FBXW11: variants seen among roughly 807,000 people sequenced by gnomAD.
The protein encoded by FBXW11 is F-box and WD repeat domain containing 11.
FBXW11 carries 19 observed loss-of-function variants against 77.6 expected under a neutral mutation model. The ratio of observed to expected loss-of-function variants is 0.24; its 90% CI spans 0.17 to 0.36. The LOEUF (loss-of-function observed/expected upper bound fraction) is 0.36, where lower values mean the gene tolerates loss of function less well. Ranked by LOEUF, FBXW11 falls within the 10% of genes least tolerant of loss-of-function variation. FBXW11 has a pLI of 1.00. For missense variants in FBXW11, 334 were observed against 704.2 expected (o/e 0.47, Z 5.95); for synonymous variants, 235 against 249.4 (o/e 0.94, Z 0.54).
At chr5:171,940,624 T>C (rs1762701969) in intron 2 of FBXW11, among the ~76,000 whole-genome samples, 1 of 152,134 alleles carries the variant, frequency 6.6e-6, no homozygotes, top group African/African-American at 2.4e-5. Flanking sequence ...GTGCGGTGGC[T>C]CATGTCTGTA....
intron 1 of FBXW11, among the ~76,000 whole-genome samples, chr5:172,004,655 A>C (rs192252634): frequency 6.2e-4 from 95 of 152,298 alleles, no homozygotes; most frequent in African/African-American, 2.2e-3. Context: ...CCAAGTTACA[A>C]TTTTTCGATA....
intron 9 of FBXW11, among the ~76,000 whole-genome samples, chr5:171,874,325 T>C (rs1438531047): frequency 6.6e-6 from 1 of 152,066 alleles, no homozygotes; most frequent in Non-Finnish European, 1.5e-5. Context: ...CACTGCACAA[T>C]CACTAGGGCA....
chr5:171,955,747 T>C (rs1292846556), intron 2 of FBXW11, among the ~76,000 whole-genome samples: 1 of 150,742 alleles, frequency 6.6e-6, no homozygotes. Context: ...TAAACCTAAG[T>C]AAACAGAATA....
intron 1 of FBXW11, among the ~76,000 whole-genome samples, chr5:171,985,443 T>C (rs1765381788): frequency 6.6e-6 from 1 of 151,556 alleles, no homozygotes; most frequent in Non-Finnish European, 1.5e-5. Context: ...TGGGCAACAG[T>C]GAGACCCAGT....
chr5:171,893,938 G>A (rs543063904), intron 6 of FBXW11, among the ~76,000 whole-genome samples: 1 of 151,984 alleles, frequency 6.6e-6, no homozygotes, highest in South Asian at 2.1e-4. Flanking sequence ...ATTTACTACC[G>A]CATGAGAGTC....
intron 2 of FBXW11, among the ~76,000 whole-genome samples, chr5:171,950,538 G>T (rs1480921264): frequency 6.6e-6 from 1 of 152,040 alleles, no homozygotes; most frequent in Non-Finnish European, 1.5e-5. Flanking sequence ...AATAAATAAA[G>T]CAAATAAGTG....
At chr5:172,006,296 G>A (rs2113641803) in intron 1 of FBXW11, among the ~76,000 whole-genome samples, 162 bp downstream of exon 1, 1 of 152,290 alleles carries the variant, frequency 6.6e-6, no homozygotes, top group South Asian at 2.1e-4. Context: ...AGGGATCAGA[G>A]GAGCCCGCGC....
rs913057295 is a variant in FBXW11 at position 171,876,807 on chromosome 5, C to A, written c.972-273G>T. On this transcript the variant is annotated intron_variant, in intron 8 of 13. Transcript: ENST00000517395. The surrounding 1 kb of genome is among the most constrained non-coding windows in gnomAD (Gnocchi z 4.2). ...GAGAGAACAGGTTGTTGAAAAGAGCCTCCTAGCACCTCCTCCCTCTCTCTT... is the reference window on the plus strand; with the variant it reads ...GAGAGAACAGGTTGTTGAAAAGAGCATCCTAGCACCTCCTCCCTCTCTCTT... 6.6e-6 allele frequency among the ~76,000 whole-genome samples: 1 copy of A among 152,096 alleles called. No homozygotes were observed. The highest frequency in any genetic ancestry group is 2.4e-5 in the African/African-American group (1 of 41,424).
Position 171,950,901 on chromosome 5 carries a change from A to G in FBXW11, c.147+6696T>C, listed in dbSNP as rs76618246. ...GACTCGGTCTCAAAAAAATACATAA[A>G]TAAATAATTTTTTTTTAATTTAAAT... On this transcript the variant is annotated intron_variant, in intron 2 of 13. Coordinates refer to ENST00000517395, the MANE Select transcript of FBXW11 (RefSeq NM_001378974.1). Among the ~76,000 whole-genome samples, 135 of 152,238 alleles carry G rather than the reference A, an allele frequency of 8.9e-4. 4 individuals are homozygous for G. In the East Asian group the frequency reaches 0.02, roughly 22 times the overall value.
chr5:171,887,749 CT>C (rs1294954016), intron 7 of FBXW11, among the ~76,000 whole-genome samples: 2 of 151,948 alleles, frequency 1.3e-5, no homozygotes, highest in Non-Finnish European at 2.9e-5. Context: ...CCTCTGCCTC[CT>C]GGGTTCAAGC....
rs745819881 is a variant in FBXW11, at chr5:171,891,576, C to T, written c.743G>A (p.Arg248Gln). Residue 248 changes from arginine to glutamine, a missense_variant, in exon 7 of 14, where the codon CGA becomes CAA. Coordinates refer to ENST00000517395, the MANE Select transcript of FBXW11 (RefSeq NM_001378974.1). ...GCACTGAATCCTCTGCAAGTTGTGTCGTCCACACCGCCAGTTAGATTCTAT... is the reference window on the plus strand; with the variant it reads ...GCACTGAATCCTCTGCAAGTTGTGTTGTCCACACCGCCAGTTAGATTCTAT... ...ETIESNWRCG[R>Q]HNLQRIQCRS... The T allele has an allele frequency of 5.6e-6, 9 of 1,609,544 alleles. No individual in the cohort carries two copies. In the South Asian group the frequency reaches 6.6e-5, roughly 12 times the overall value.
intron 1 of FBXW11, among the ~76,000 whole-genome samples, chr5:171,970,098 T>G (rs1764440011): frequency 6.6e-6 from 1 of 152,254 alleles, no homozygotes; most frequent in African/African-American, 2.4e-5. Flanking sequence ...TTGAGAGCTC[T>G]GAAAAAGTAC....
Position 171,876,306 on chromosome 5 carries a change from G to A in FBXW11, c.1200C>T (p.Ala400=). ...VDFDDKYIVS[A]SGDRTIKVWS... Reference sequence around the variant, plus strand: ...TTACTTTGATGGTCCTGTCACCAGAGGCAGACACGATGTACTTGTCGTCAA... The same window carrying A: ...TTACTTTGATGGTCCTGTCACCAGAAGCAGACACGATGTACTTGTCGTCAA... Residue 400 remains alanine (A), a synonymous_variant, in exon 9 of 14, where the codon GCC becomes GCT. Transcript: ENST00000517395. The surrounding 1 kb of genome is among the most constrained non-coding windows in gnomAD (Gnocchi z 4.2). 1 of 1,614,188 alleles carries A rather than the reference G, an allele frequency of 6.2e-7. No individual in the cohort carries two copies. Among genetic ancestry groups the A allele is most frequent in the Non-Finnish European group, 8.5e-7 (1 of 1,180,022 alleles).
intron 1 of FBXW11, chr5:172,003,081 A>G (rs571642086): frequency 3.7e-4 from 56 of 152,326 alleles, no homozygotes; most frequent in African/African-American, 1.3e-3. Context: ...GACAGAAGGG[A>G]AATGACTCAC....
At chr5:171,968,259 A>G (rs1764329549) in intron 1 of FBXW11, among the ~76,000 whole-genome samples, 1 of 151,976 alleles carries the variant, frequency 6.6e-6, no homozygotes, top group African/African-American at 2.4e-5. Context: ...GATCGAGACC[A>G]TCCCGGCTAA....
chr5:171,873,120 C>T (rs1432344576), intron 9 of FBXW11, 130 bp from the exon 10 acceptor site: 1 of 766,998 alleles, frequency 1.3e-6, no homozygotes, highest in Non-Finnish European at 2.1e-6. Flanking sequence ...TGTCCTCTAA[C>T]TCAAAGTTGG....
intron 1 of FBXW11, 142 bp downstream of exon 1, chr5:172,006,316 G>T: frequency 1.5e-6 from 1 of 652,914 alleles, no homozygotes; most frequent in Non-Finnish European, 2.3e-6. Flanking sequence ...CCAGGTCCGA[G>T]GCCAGGGAAG....
At chr5:171,898,784 T>G (rs191151053) in intron 6 of FBXW11, among the ~76,000 whole-genome samples, 271 of 152,338 alleles carry the variant, frequency 1.8e-3, no homozygotes, top group Non-Finnish European at 3.5e-3. Flanking sequence ...CAGAAGCATT[T>G]CATGTTTTAG....
At position 171,998,336 on chromosome 5, in the gene FBXW11, C is replaced by CTTTTTTTTTTTTTTTTTTTTTTTTT. The variant is rs778327855; in HGVS notation, c.45+8121_45+8122insAAAAAAAAAAAAAAAAAAAAAAAAA. 2.0e-4 allele frequency among the ~76,000 whole-genome samples: 23 copies of CTTTTTTTTTTTTTTTTTTTTTTTTT among 114,826 alleles called. 3 individuals are homozygous for CTTTTTTTTTTTTTTTTTTTTTTTTT. The highest frequency in any genetic ancestry group is 9.6e-4 in the African/African-American group (23 of 24,002). 75.3% of individuals were successfully genotyped at this position (114,826 alleles called of 152,430 possible). A position where few individuals can be genotyped will look rare whatever the true frequency, so the allele number is the denominator to read the frequency against. ...ACAGCCCATGATATTTTTTTCTTGT[C>CTTTTTTTTTTTTTTTTTTTTTTTTT]TTTTTTTTTTTTTTTTTAAGTAGAG... On this transcript the variant is annotated intron_variant, in intron 1 of 13. Transcript: ENST00000517395.
Sources: gnomAD v4.1 joint callset for allele counts (sites outside exome capture counted in the v4.1 genomes callset) on GRCh38, gnomAD v4.1.1 for gene constraint, Gnocchi (gnomAD v3.1) non-coding constraint, MANE v1.5 for transcripts, NCBI Gene and HGNC (gene_info 2026-07-23, HGNC 2026-07-21) for gene names.